The following NUMB variants were observed in gnomAD, a reference collection of about 807,000 sequenced individuals.
NUMB encodes protein numb homolog.
In NUMB, 29 loss-of-function variants were observed where a neutral mutation model predicts 59.7. The observed-to-expected ratio is 0.49, with a 90% CI of 0.36 to 0.66. The LOEUF is 0.66. Among genes scored for constraint, NUMB ranks in the 30% least tolerant of loss-of-function variants. The pLI is 0.00. For missense variants in NUMB, 723 were observed against 822.0 expected (o/e 0.88, Z 1.47); for synonymous variants, 288 against 288.2 (o/e 1.00, Z 0.01).
intron 5 of NUMB, 117 bp from the exon 6 acceptor site, chr14:73,316,539 G>T: frequency 1.1e-6 from 1 of 908,020 alleles, no homozygotes; most frequent in Non-Finnish European, 1.8e-6. Context: ...AGAAGGGGTG[G>T]GAGTGAGTTT....
At chr14:73,452,216 G>A (rs1357577320) in intron 1 of NUMB, among the ~76,000 whole-genome samples, 3 of 151,996 alleles carry the variant, frequency 2.0e-5, no homozygotes, top group South Asian at 2.1e-4. Flanking sequence ...AAAAATTAGC[G>A]GGGTGTGGTA....
chr14:73,445,381 A>AACAAAAC (rs1883412316), intron 1 of NUMB, among the ~76,000 whole-genome samples: 2 of 129,790 alleles, frequency 1.5e-5, no homozygotes, highest in Non-Finnish European at 3.3e-5. Context: ...AAAAAAAAAA[A>AACAAAAC]AAAAAAAAAA....
intron 6 of NUMB, 144 bp downstream of exon 6, chr14:73,316,243 TTCC>T (rs1308505078): frequency 1.5e-6 from 1 of 655,312 alleles, no homozygotes; most frequent in Non-Finnish European, 2.7e-6. Context: ...GGATAGTAAC[TTCC>T]TAATTCATTA....
chr14:73,354,935 G>A (rs1191533974), intron 4 of NUMB, among the ~76,000 whole-genome samples: 2 of 151,350 alleles, frequency 1.3e-5, no homozygotes, highest in Non-Finnish European at 2.9e-5. Flanking sequence ...ATTTGGTCTA[G>A]TTCTATTTTT....
Position 73,300,565 on chromosome 14 carries a change from G to T in NUMB, c.235-3280C>A, listed in dbSNP as rs149330142. On this transcript the variant is annotated intron_variant, in intron 6 of 12. Coordinates refer to ENST00000555238, the MANE Select transcript of NUMB (RefSeq NM_001005743.2). The stretch of plus-strand genomic sequence containing the variant: ...ATTCTGGTTCTGCAAGTTACTCCTA[G>T]TATGATCAAAGGCAGGTTAATTTAA... Among the ~76,000 whole-genome samples, 1,030 of 152,214 alleles carry T rather than the reference G, an allele frequency of 6.8e-3. 3 individuals carry two copies. The highest frequency in any genetic ancestry group is 0.029 in the South Asian group (139 of 4,824).
intron 4 of NUMB, among the ~76,000 whole-genome samples, chr14:73,352,461 CACACACACACACACACAT>C (rs1893378411): frequency 1.8e-4 from 3 of 16,828 alleles, no homozygotes; most frequent in Admixed American, 1.1e-3. Context: ...CACACACATA[CACACACACACACACACAT>C]ATATATATAT....
chr14:73,421,173 G>C (rs1035903868), intron 1 of NUMB, among the ~76,000 whole-genome samples: 1 of 151,410 alleles, frequency 6.6e-6, no homozygotes, highest in African/African-American at 2.4e-5. Flanking sequence ...GTTTTTTTTT[G>C]GTGTTTTTGT....
intron 9 of NUMB, among the ~76,000 whole-genome samples, chr14:73,285,882 C>T (rs997528011): frequency 2.2e-4 from 33 of 150,820 alleles, no homozygotes; most frequent in African/African-American, 7.5e-4. Context: ...GCGGAGACTG[C>T]GCCACTACAT....
intron 2 of NUMB, among the ~76,000 whole-genome samples, chr14:73,378,020 TAC>T (rs760071335): frequency 2.7e-4 from 36 of 133,912 alleles, no homozygotes; most frequent in Middle Eastern, 3.8e-3. Context: ...CACACACACA[TAC>T]ACACACACAC....
intron 1 of NUMB, among the ~76,000 whole-genome samples, chr14:73,447,119 G>A (rs1187284234): frequency 7.9e-5 from 12 of 151,236 alleles, no homozygotes; most frequent in African/African-American, 2.7e-4. Flanking sequence ...CCCGGGAGGC[G>A]GAGGTTGCAG....
At chr14:73,436,437 C>A (rs2140178076) in intron 1 of NUMB, among the ~76,000 whole-genome samples, 1 of 152,224 alleles carries the variant, frequency 6.6e-6, no homozygotes, top group East Asian at 1.9e-4. Context: ...CTGCCTCAGC[C>A]TCCTGAGTTT....
intron 2 of NUMB, among the ~76,000 whole-genome samples, chr14:73,380,531 C>A (rs975924326): frequency 6.6e-6 from 1 of 152,102 alleles, no homozygotes; most frequent in Non-Finnish European, 1.5e-5. Flanking sequence ...TCTTAACCCC[C>A]AACTCTGAAT....
At chr14:73,334,046 T>G (rs376663103) in intron 4 of NUMB, among the ~76,000 whole-genome samples, 36 of 150,948 alleles carry the variant, frequency 2.4e-4, no homozygotes, top group Admixed American at 6.6e-4. Flanking sequence ...TGGGGGTTTT[T>G]TGTGTGTGTG....
intron 6 of NUMB, among the ~76,000 whole-genome samples, chr14:73,301,945 T>TG (rs1236836894): frequency 2.6e-5 from 4 of 151,906 alleles, no homozygotes; most frequent in African/African-American, 9.7e-5. Context: ...TAGCCAGGTG[T>TG]GGGGGCACGT....
chr14:73,326,622 T>C (rs1891677080), intron 4 of NUMB, among the ~76,000 whole-genome samples: 1 of 151,180 alleles, frequency 6.6e-6, no homozygotes, highest in Admixed American at 6.6e-5. Context: ...AGAGAAACTT[T>C]GTCTCAAAAA....
intron 5 of NUMB, among the ~76,000 whole-genome samples, chr14:73,318,492 G>T (rs1270211669): frequency 1.3e-5 from 2 of 152,160 alleles, no homozygotes; most frequent in Non-Finnish European, 2.9e-5. Flanking sequence ...AAGACAGAGG[G>T]AGAGACATTT....
chr14:73,336,761 A>T (rs900134074), intron 4 of NUMB, among the ~76,000 whole-genome samples: 3 of 152,226 alleles, frequency 2.0e-5, no homozygotes, highest in African/African-American at 7.2e-5. Flanking sequence ...TCTGTCTCAA[A>T]AACAGATGTG....
chr14:73,389,272 C>CAGAAAAAAAAAAA (rs1895709350), intron 2 of NUMB, among the ~76,000 whole-genome samples: 1 of 66,484 alleles, frequency 1.5e-5, no homozygotes, highest in African/African-American at 5.8e-5. Context: ...CTCCATCTCT[C>CAGAAAAAAAAAAA]AAAAAAAAAA....
intron 3 of NUMB, among the ~76,000 whole-genome samples, chr14:73,360,914 G>A (rs1328568736): frequency 6.6e-6 from 1 of 151,864 alleles, no homozygotes; most frequent in Non-Finnish European, 1.5e-5. Context: ...TTTGGAGACA[G>A]GGTATCACTC....
Sources: allele counts gnomAD v4.1 joint callset (sites outside exome capture counted in the v4.1 genomes callset), GRCh38; gene constraint gnomAD v4.1.1; transcripts MANE v1.5; gene names NCBI Gene and HGNC (gene_info 2026-07-23, HGNC 2026-07-21).